Variants in PTPRE observed in about 807,000 individuals in gnomAD.
PTPRE encodes the protein receptor-type tyrosine-protein phosphatase epsilon.
PTPRE carries 51 observed loss-of-function variants against 102.0 expected under a neutral mutation model. The observed-to-expected ratio is 0.50, with a 90% CI of 0.40 to 0.63. The LOEUF (loss-of-function observed/expected upper bound fraction) is 0.63. Ranked by LOEUF, PTPRE falls within the 30% of genes least tolerant of loss-of-function variation. PTPRE has a pLI of 0.00. For synonymous variants in PTPRE, 345 were observed against 348.2 expected (o/e 0.99, Z 0.10); for missense variants, 752 against 915.1 (o/e 0.82, Z 2.30).
At chr10:127,985,336 A>C (rs530505467) in intron 2 of PTPRE, among the ~76,000 whole-genome samples, 1 of 152,358 alleles carries the variant, frequency 6.6e-6, no homozygotes, top group African/African-American at 2.4e-5. Context: ...TAATCCCAGA[A>C]CTTTGGGAGG....
chr10:127,964,833 G>A (rs1056854842), intron 1 of PTPRE: 12 of 307,276 alleles, frequency 3.9e-5, no homozygotes, highest in African/African-American at 8.8e-5. Context: ...TTCAGTAAGC[G>A]CTTGCAGCCA....
At chr10:127,921,562 A>T (rs1846606931) in intron 1 of PTPRE, among the ~76,000 whole-genome samples, 1 of 152,102 alleles carries the variant, frequency 6.6e-6, no homozygotes. Flanking sequence ...GGGGGAGGTG[A>T]TGCCAGGGAT....
At chr10:127,936,624 C>T (rs924064741) in intron 1 of PTPRE, among the ~76,000 whole-genome samples, 3 of 152,142 alleles carry the variant, frequency 2.0e-5, no homozygotes, top group African/African-American at 7.2e-5. Context: ...TCTAGAATCA[C>T]GAAGCCTTCC....
intron 20 of PTPRE, among the ~76,000 whole-genome samples, chr10:128,082,282 T>C (rs71474244): frequency 0.11 from 15,791 of 145,106 alleles, 906 homozygotes; most frequent in Admixed American, 0.14. Flanking sequence ...GGCACAATCT[T>C]GGCTCACTGC....
chr10:127,990,766 G>T (rs1035240053), intron 2 of PTPRE, among the ~76,000 whole-genome samples: 1 of 152,122 alleles, frequency 6.6e-6, no homozygotes, highest in Non-Finnish European at 1.5e-5. Flanking sequence ...CTCCTGCCTC[G>T]CTCATTTGTT....
At chr10:128,073,539 T>C (rs1850967649) in intron 17 of PTPRE, 68 bp downstream of exon 17, 1 of 1,537,594 alleles carries the variant, frequency 6.5e-7, no homozygotes, top group Admixed American at 1.9e-5. Context: ...TCCCCGTTCA[T>C]TACAAATGTC....
At position 128,028,009 on chromosome 10, in the gene PTPRE, G is replaced by T. The variant is rs2135725804; in HGVS notation, c.-7-12866G>T. ...CGAGGGTCTCCACCTCCCCAAGGCA[G>T]GACAGGCCATGGCAGAGGCTTCAGG... On this transcript the variant is annotated intron_variant, in intron 2 of 20. Coordinates refer to ENST00000254667, the MANE Select transcript of PTPRE (RefSeq NM_006504.6). The surrounding 1 kb of genome is among the most constrained non-coding windows in gnomAD (Gnocchi z 4.5). 6.6e-6 allele frequency among the ~76,000 whole-genome samples: 1 copy of T among 152,358 alleles called. No homozygotes were observed. Among genetic ancestry groups the T allele is most frequent in the Non-Finnish European group, 1.5e-5 (1 of 68,038 alleles).
intron 6 of PTPRE, among the ~76,000 whole-genome samples, chr10:128,055,418 C>T (rs373941234): frequency 1.2e-4 from 18 of 152,312 alleles, no homozygotes; most frequent in African/African-American, 4.1e-4. Context: ...CACCTGACTT[C>T]CCTGACTGGG....
At chr10:128,048,282 T>G (rs114801281) in intron 5 of PTPRE, among the ~76,000 whole-genome samples, 3,405 of 152,272 alleles carry the variant, frequency 0.022, 145 homozygotes, top group African/African-American at 0.078. Flanking sequence ...GCTGGGAGCA[T>G]TTCCAACTTT....
chr10:127,943,628 G>T (rs887066432), intron 1 of PTPRE, among the ~76,000 whole-genome samples: 5 of 152,206 alleles, frequency 3.3e-5, no homozygotes, highest in Non-Finnish European at 7.4e-5. Flanking sequence ...CCTGGAATGC[G>T]CAGGAGGCTT....
At chr10:127,947,620 T>C (rs1848719441) in intron 1 of PTPRE, among the ~76,000 whole-genome samples, 1 of 152,240 alleles carries the variant, frequency 6.6e-6, no homozygotes, top group Admixed American at 6.5e-5. Context: ...AACTTTTCTG[T>C]GCCCGGCTAT....
intron 8 of PTPRE, 63 bp downstream of exon 8, chr10:128,061,078 T>C: frequency 6.6e-7 from 1 of 1,507,392 alleles, no homozygotes; most frequent in Non-Finnish European, 9.2e-7. Context: ...AAGCACTTTC[T>C]TGTCTGGTGC....
chr10:128,042,212 A>G (rs59638208), intron 3 of PTPRE, among the ~76,000 whole-genome samples: 2,695 of 152,208 alleles, frequency 0.018, 59 homozygotes, highest in African/African-American at 0.047. Context: ...ACATCTGACA[A>G]ACTGCCCGGA....
intron 17 of PTPRE, among the ~76,000 whole-genome samples, chr10:128,074,070 TAACA>T (rs1851015026): frequency 6.6e-6 from 1 of 152,184 alleles, no homozygotes; most frequent in African/African-American, 2.4e-5. Flanking sequence ...CTCGTACCAT[TAACA>T]GTCACTCCCC....
chr10:128,026,666 C>T (rs868347530), intron 2 of PTPRE, among the ~76,000 whole-genome samples: 6 of 152,308 alleles, frequency 3.9e-5, no homozygotes, highest in South Asian at 2.1e-4. Context: ...AGTGATTTTA[C>T]ATTTAGACAT....
At chr10:128,047,700 C>T (rs368469139) in intron 4 of PTPRE, 64 bp from the exon 5 acceptor site, 47 of 1,613,958 alleles carry the variant, frequency 2.9e-5, no homozygotes, top group Middle Eastern at 1.6e-4. Flanking sequence ...ATCACTGTGC[C>T]GAGCGCTGTT....
intron 2 of PTPRE, among the ~76,000 whole-genome samples, chr10:128,002,364 G>A (rs1164048453): frequency 6.6e-6 from 1 of 152,154 alleles, no homozygotes; most frequent in Non-Finnish European, 1.5e-5. Context: ...TCATTTGCAG[G>A]GGAGCTGCCT....
At position 128,085,123 on chromosome 10, in the gene PTPRE, G is replaced by T. The variant is rs932479675; in HGVS notation, c.*2217G>T. 40 of 456,026 alleles carry T rather than the reference G, an allele frequency of 8.8e-5. No homozygotes were observed. The highest frequency in any genetic ancestry group is 7.6e-4 in the African/African-American group (38 of 50,076). 28.2% of individuals were successfully genotyped at this position (456,026 alleles called of 1,614,324 possible). On this transcript the variant is annotated 3_prime_UTR_variant, in exon 21 of 21. Transcript: ENST00000254667. ...AGGACGCAAGACTCTCCCCTCCACTGTCCGGGACAGCGTTCGCCCTTTAGC... is the reference window on the plus strand; with the variant it reads ...AGGACGCAAGACTCTCCCCTCCACTTTCCGGGACAGCGTTCGCCCTTTAGC...
chr10:128,078,260 C>G (rs1295230509), intron 19 of PTPRE, among the ~76,000 whole-genome samples: 1 of 152,222 alleles, frequency 6.6e-6, no homozygotes, highest in African/African-American at 2.4e-5. Context: ...GCAGCCTCAG[C>G]CTGGCTCCCA....
Sources: gnomAD v4.1 joint callset for allele counts (sites outside exome capture counted in the v4.1 genomes callset) on GRCh38, gnomAD v4.1.1 for gene constraint, Gnocchi (gnomAD v3.1) non-coding constraint, MANE v1.5 for transcripts, NCBI Gene and HGNC (gene_info 2026-07-23, HGNC 2026-07-21) for gene names.